ZNF276: variants seen among roughly 807,000 people sequenced by gnomAD.
The protein encoded by ZNF276 is centromere protein Z.
In ZNF276, 59 loss-of-function variants were observed where a neutral mutation model predicts 63.9. That is an observed-to-expected ratio of 0.92 (90% CI 0.75 to 1.15). ZNF276 has a LOEUF of 1.15. ZNF276 is among the 50% of genes most tolerant of loss of function. ZNF276 has a pLI of 0.00. For synonymous variants in ZNF276, 496 were observed against 348.4 expected (o/e 1.42, Z -4.72); for missense variants, 1,084 against 843.8 (o/e 1.28, Z -3.53).
At chr16:89,737,291 G>A (rs1376015348) in intron 9 of ZNF276, among the ~76,000 whole-genome samples, 2 of 152,186 alleles carry the variant, frequency 1.3e-5, no homozygotes, top group Non-Finnish European at 2.9e-5. Flanking sequence ...GGAGACCGAG[G>A]CAGGCAGATC....
At position 89,740,193 on chromosome 16, in the gene ZNF276, TCTTTG is replaced by T; in HGVS notation, c.*1951_*1955del. The T allele has an allele frequency of 1.0e-6, 1 of 993,646 alleles. No individual in the cohort carries two copies. Among genetic ancestry groups the T allele is most frequent in the South Asian group, 1.3e-5 (1 of 78,192 alleles). 61.6% of individuals were successfully genotyped at this position (993,646 alleles called of 1,614,324 possible). A position where few individuals can be genotyped will look rare whatever the true frequency, so the allele number is the denominator to read the frequency against. On this transcript the variant is annotated 3_prime_UTR_variant, in exon 11 of 11. Transcript: ENST00000443381. ...CCTCAGCACAGAAGAGGGCATTTCCTCTTTGCTTATTGTAAGTCTTAAAACTGGTG... is the reference window on the plus strand; with the variant it reads ...CCTCAGCACAGAAGAGGGCATTTCCTCTTATTGTAAGTCTTAAAACTGGTG...
chr16:89,722,116 C>T (rs940929046), intron 1 of ZNF276, among the ~76,000 whole-genome samples: 5 of 152,138 alleles, frequency 3.3e-5, no homozygotes, highest in Non-Finnish European at 5.9e-5. Flanking sequence ...GCAGGTCGCC[C>T]TGGGGTGCCC....
In ZNF276 at chr16:89,738,410, G is replaced by A; in HGVS notation, c.*164G>A. ...CTCAAGTAGCCTTCCTCTGCTCTGG[G>A]ACCAGTGGTTTATTTTCCCGCAAAC... On this transcript the variant is annotated 3_prime_UTR_variant, in exon 11 of 11. Transcript: ENST00000443381. 15 of 1,374,252 alleles carry A rather than the reference G, an allele frequency of 1.1e-5. No individual in the cohort carries two copies. Among genetic ancestry groups the A allele is most frequent in the South Asian group, 2.7e-5 (2 of 74,092 alleles). The allele number at this position is 1,374,252 out of a possible 1,614,324, so 85.1% of individuals were successfully genotyped here.
chr16:89,735,491 C>T (rs1228308079), intron 9 of ZNF276, among the ~76,000 whole-genome samples: 2 of 137,668 alleles, frequency 1.5e-5, no homozygotes, highest in Non-Finnish European at 3.0e-5. Flanking sequence ...TCCGACATCT[C>T]TCCTGATGGC....
chr16:89,737,436 G>C (rs1290664816), intron 9 of ZNF276: 2 of 254,222 alleles, frequency 7.9e-6, no homozygotes, highest in African/African-American at 2.2e-5. Context: ...CACAAGAATC[G>C]CTTGAGCCTG....
At chr16:89,734,081 G>A (rs1180365527) in intron 9 of ZNF276, 43 bp downstream of exon 9, 3 of 1,583,120 alleles carry the variant, frequency 1.9e-6, no homozygotes, top group Admixed American at 3.4e-5. Flanking sequence ...GACAGCCAGG[G>A]GCACGTGACC....
chr16:89,737,620 C>CAGTGT (rs1470442371), intron 9 of ZNF276, 186 bp from the exon 10 acceptor site: 2 of 1,135,250 alleles, frequency 1.8e-6, no homozygotes, highest in African/African-American at 3.1e-5. Context: ...AGCCACGTGA[C>CAGTGT]AGTGTATAAA....
intron 4 of ZNF276, among the ~76,000 whole-genome samples, chr16:89,724,104 C>T (rs534516053): frequency 1.2e-4 from 19 of 152,354 alleles, no homozygotes; most frequent in African/African-American, 3.8e-4. Context: ...AGCTGCAGGT[C>T]ATTTCCTGGC....
chr16:89,724,658 C>T lies in ZNF276; in HGVS notation c.1006+949C>T, dbSNP rs981158162. 2.6e-5 allele frequency among the ~76,000 whole-genome samples: 4 copies of T among 152,154 alleles called. No individual in the cohort carries two copies. The East Asian group carries it at 5.8e-4, about 22-fold the overall frequency. ...CAAGACTCTGTCCCAAACAGAAACA[C>T]AGCTACCCAGATAGTTTAGCTAGAT... On this transcript the variant is annotated intron_variant, in intron 4 of 10. Coordinates refer to ENST00000443381, the MANE Select transcript of ZNF276 (RefSeq NM_001113525.2).
chr16:89,738,435 C>T lies in ZNF276; in HGVS notation c.*189C>T, dbSNP rs886052479. On this transcript the variant is annotated 3_prime_UTR_variant, in exon 11 of 11. Coordinates refer to ENST00000443381, the MANE Select transcript of ZNF276 (RefSeq NM_001113525.2). ...GACCAGTGGTTTATTTTCCCGCAAA[C>T]GCTGAGTGACTCGGGGCCGGACAGT... is the stretch of plus-strand genomic sequence containing the variant. 2.6e-5 allele frequency: 36 copies of T among 1,378,354 alleles called. No homozygotes were observed. The highest frequency in any genetic ancestry group is 1.2e-4 in the South Asian group (9 of 77,564). 85.4% of individuals were successfully genotyped at this position (1,378,354 alleles called of 1,614,324 possible). A position where few individuals can be genotyped will look rare whatever the true frequency, so the allele number is the denominator to read the frequency against.
At chr16:89,723,101 G>T (rs1370568397) in intron 2 of ZNF276, 36 bp from the exon 3 acceptor site, 1 of 1,612,894 alleles carries the variant, frequency 6.2e-7, no homozygotes, top group East Asian at 2.2e-5. Context: ...ACCTCCGCCT[G>T]CTTGTCCTGC....
chr16:89,738,802 C>A lies in ZNF276; in HGVS notation c.*556C>A, dbSNP rs34602467. 1,171 of 1,613,598 alleles carry A rather than the reference C, an allele frequency of 7.3e-4. 11 individuals carry two copies. In the African/African-American group the frequency reaches 0.014, roughly 19 times the overall value. ...GGCAGAAATAGTCGAGTTGTATTGC[C>A]AGCCAGGCAGGCACATGGCCCAGGC... is the stretch of plus-strand genomic sequence containing the variant. On this transcript the variant is annotated 3_prime_UTR_variant, in exon 11 of 11. Transcript: ENST00000443381.
rs779466859 is a variant in ZNF276 at position 89,739,111 on chromosome 16, T to A, written c.*865T>A. ...CGGCTGGGGGGAGCTCCCCTGGAGG[T>A]GGGACTGGCCCTTGCACCTGCCTGA... On this transcript the variant is annotated 3_prime_UTR_variant, in exon 11 of 11. Coordinates refer to ENST00000443381, the MANE Select transcript of ZNF276 (RefSeq NM_001113525.2). 6.2e-6 allele frequency: 10 copies of A among 1,613,912 alleles called. No individual in the cohort carries two copies. Among genetic ancestry groups the A allele is most frequent in the Non-Finnish European group, 8.5e-6 (10 of 1,179,906 alleles).
chr16:89,735,311 T>A (rs1364546651), intron 9 of ZNF276, among the ~76,000 whole-genome samples: 1 of 152,100 alleles, frequency 6.6e-6, no homozygotes, highest in African/African-American at 2.4e-5. Context: ...TGGAACCAGC[T>A]GAGGACAACT....
intron 6 of ZNF276, among the ~76,000 whole-genome samples, chr16:89,729,756 G>C (rs1597995204): frequency 6.6e-6 from 1 of 152,248 alleles, no homozygotes; most frequent in South Asian, 2.1e-4. Flanking sequence ...CATCCTCCCA[G>C]TTCTGACCCC....
chr16:89,722,133 G>A (rs2061309474), intron 1 of ZNF276, among the ~76,000 whole-genome samples: 1 of 152,118 alleles, frequency 6.6e-6, no homozygotes, highest in Non-Finnish European at 1.5e-5. Context: ...GCCCGCGCGT[G>A]GGAATCGCCC....
intron 1 of ZNF276, among the ~76,000 whole-genome samples, chr16:89,722,183 G>A (rs1339088875): frequency 6.6e-6 from 1 of 152,240 alleles, no homozygotes. Flanking sequence ...AAAGGAGGCG[G>A]CACCTGCAAT....
chr16:89,736,281 C>T (rs1401863224), intron 9 of ZNF276, among the ~76,000 whole-genome samples: 1 of 151,858 alleles, frequency 6.6e-6, no homozygotes, highest in Non-Finnish European at 1.5e-5. Flanking sequence ...CCTGCCTTGG[C>T]CTCCCAAAGT....
chr16:89,721,429 G>A (rs2061266118), upstream of ZNF276: 1 of 437,282 alleles, frequency 2.3e-6, no homozygotes, highest in Non-Finnish European at 4.0e-6. Context: ...GGAGCGGTAC[G>A]AGCGGGGGCG....
Sources: allele counts gnomAD v4.1 joint callset (sites outside exome capture counted in the v4.1 genomes callset), GRCh38; gene constraint gnomAD v4.1.1; transcripts MANE v1.5; gene names NCBI Gene and HGNC (gene_info 2026-07-23, HGNC 2026-07-21).